Variants in XYLB observed in about 807,000 individuals in gnomAD.
XYLB encodes xylulose kinase.
In XYLB, 62 loss-of-function variants were observed where a neutral mutation model predicts 78.7. The ratio of observed to expected loss-of-function variants is 0.79; its 90% confidence interval spans 0.64 to 0.97. The LOEUF is 0.97. Among genes scored for constraint, XYLB ranks in the 50% least tolerant of loss-of-function variants. The pLI is 0.00. For missense variants in XYLB, 687 were observed against 676.8 expected, an observed-to-expected ratio of 1.02 and a Z score of -0.17; for synonymous variants, 245 against 247.4, an observed-to-expected ratio of 0.99 and a Z score of 0.09.
downstream of XYLB, among the ~76,000 whole-genome samples, chr3:38,418,067 C>T (rs1024328951): frequency 6.7e-5 from 10 of 149,708 alleles, no homozygotes; most frequent in African/African-American, 2.2e-4. Flanking sequence ...TGGTAGCAGA[C>T]GCCTGTAATC....
chr3:38,382,686 G>T (rs1160882271), intron 15 of XYLB, among the ~76,000 whole-genome samples: 1 of 152,172 alleles, frequency 6.6e-6, no homozygotes, highest in Non-Finnish European at 1.5e-5. Context: ...CCTGGCAGGG[G>T]TCCTCCGGCT....
At chr3:38,444,951 G>A in the XYLB span, among the ~76,000 whole-genome samples, 119 of 152,130 alleles carry the variant, frequency 7.8e-4, 2 homozygotes, top group South Asian at 0.014. Context: ...GGCCCTTACC[G>A]ACACATTCTT....
At chr3:38,366,739 C>A (rs960227677) in intron 6 of XYLB, 69 bp from the exon 7 acceptor site, 3 of 1,115,612 alleles carry the variant, frequency 2.7e-6, no homozygotes, top group African/African-American at 3.1e-5. Context: ...ACATTAAACT[C>A]ACTTTGTGGA....
At chr3:38,357,866 A>T (rs79432687) in intron 2 of XYLB, among the ~76,000 whole-genome samples, 3 of 2,976 alleles carry the variant, frequency 1.0e-3, no homozygotes, top group Non-Finnish European at 5.1e-3. Context: ...GCCCTTTTTT[A>T]AAAAAAAACT....
rs749713339 is a variant in XYLB at position 38,346,831 on chromosome 3, G to C, written c.-38G>C. 6.8e-7 allele frequency: 1 copy of C among 1,481,050 alleles called. No individual in the cohort carries two copies. The highest frequency in any genetic ancestry group is 9.0e-7 in the Non-Finnish European group (1 of 1,115,060). The allele number at this position is 1,481,050 out of a possible 1,614,324, so 91.7% of individuals were successfully genotyped here. On this transcript the variant is annotated 5_prime_UTR_variant, in exon 1 of 19. Transcript: ENST00000207870. ...GCGACTATCACGCCGCGTGGCGGAC[G>C]GACGGACTGACGGACGCGCAGCCTT...
At chr3:38,396,560 TCTA>T (rs1707878215) in intron 16 of XYLB, among the ~76,000 whole-genome samples, 1 of 152,152 alleles carries the variant, frequency 6.6e-6, no homozygotes, top group Admixed American at 6.5e-5. Flanking sequence ...ATCAGTGGCA[TCTA>T]CTACAATATC....
At chr3:38,388,180 T>TG (rs1428142833) in intron 15 of XYLB, among the ~76,000 whole-genome samples, 14 of 150,690 alleles carry the variant, frequency 9.3e-5, no homozygotes, top group South Asian at 2.1e-4. Context: ...TTTTTTTTTT[T>TG]TTTTTTTTTT....
At chr3:38,386,839 A>G (rs1707402424) in intron 15 of XYLB, among the ~76,000 whole-genome samples, 1 of 152,192 alleles carries the variant, frequency 6.6e-6, no homozygotes, top group Admixed American at 6.5e-5. Flanking sequence ...GATTCTCTTA[A>G]GTTTTACTTT....
At chr3:38,420,354 A>G (rs1708936748) in exon 18 of XYLB, among the ~76,000 whole-genome samples, 1 of 152,236 alleles carries the variant, frequency 6.6e-6, no homozygotes, top group Admixed American at 6.5e-5. Context: ...CAGGGAGAGC[A>G]ATAATCCTTG....
intron 8 of XYLB, among the ~76,000 whole-genome samples, chr3:38,368,920 A>T (rs1167087699): frequency 1.3e-5 from 2 of 152,204 alleles, no homozygotes; most frequent in South Asian, 4.1e-4. Context: ...TGGTGAACTC[A>T]TGAGATTTGT....
intron 15 of XYLB, among the ~76,000 whole-genome samples, chr3:38,389,650 A>G (rs769456147): frequency 1.1e-4 from 16 of 152,068 alleles, no homozygotes; most frequent in Non-Finnish European, 2.2e-4. Context: ...TTGGATCAGT[A>G]CTAGTTAGTT....
At chr3:38,367,314 C>T (rs1706318408) in intron 7 of XYLB, among the ~76,000 whole-genome samples, 1 of 152,184 alleles carries the variant, frequency 6.6e-6, no homozygotes. Context: ...TCAGCCAGAG[C>T]CTCTGTCACA....
the XYLB span, among the ~76,000 whole-genome samples, chr3:38,440,204 T>C: frequency 6.6e-6 from 1 of 152,220 alleles, no homozygotes; most frequent in Admixed American, 6.5e-5. Context: ...GTTAGGATAA[T>C]ACATGTTACA....
chr3:38,436,016 C>T, the XYLB span, among the ~76,000 whole-genome samples: 2 of 152,108 alleles, frequency 1.3e-5, no homozygotes, highest in African/African-American at 4.8e-5. Context: ...CAATGTACCT[C>T]AAAGGACTGA....
At chr3:38,410,162 C>G (rs1282703657) in intron 18 of XYLB, among the ~76,000 whole-genome samples, 4 of 152,204 alleles carry the variant, frequency 2.6e-5, no homozygotes, top group African/African-American at 4.8e-5. Flanking sequence ...ATCAAAACAG[C>G]ATGGTACTGG....
intron 7 of XYLB, 150 bp from the exon 8 acceptor site, chr3:38,368,035 G>A: frequency 1.4e-6 from 1 of 697,078 alleles, no homozygotes; most frequent in East Asian, 2.5e-5. Flanking sequence ...TCCTATCTGA[G>A]ATGCACAGTC....
At chr3:38,369,998 A>G (rs1453574868) in intron 8 of XYLB, 58 bp from the exon 9 acceptor site, 2 of 1,473,242 alleles carry the variant, frequency 1.4e-6, no homozygotes, top group Non-Finnish European at 1.9e-6. Flanking sequence ...AGATTTGTGC[A>G]TTTTCACAAA....
chr3:38,354,228 T>G (rs9880392), intron 2 of XYLB, among the ~76,000 whole-genome samples: 1 of 151,894 alleles, frequency 6.6e-6, no homozygotes, highest in Non-Finnish European at 1.5e-5. Context: ...CGCCCGCCAC[T>G]GGCTAATTTT....
chr3:38,389,420 C>T (rs1211687341), intron 15 of XYLB, among the ~76,000 whole-genome samples: 259 of 152,148 alleles, frequency 1.7e-3, no homozygotes, highest in Non-Finnish European at 2.7e-3. Context: ...TCCACAAAAC[C>T]GCCATCGTCA....
Sources: allele counts gnomAD v4.1 joint callset (sites outside exome capture counted in the v4.1 genomes callset), GRCh38; gene constraint gnomAD v4.1.1; transcripts MANE v1.5; gene names NCBI Gene and HGNC (gene_info 2026-07-23, HGNC 2026-07-21).